CNTN5: variants seen among roughly 807,000 people sequenced by gnomAD.
CNTN5 encodes contactin 5, also known as contactin-5.
CNTN5 carries 77 observed loss-of-function variants against 129.1 expected under a neutral mutation model. The observed-to-expected ratio is 0.60, with a 90% confidence interval of 0.50 to 0.72. The LOEUF is 0.72. CNTN5 is among the 30% of genes least tolerant of loss of function. The pLI is 0.00. For synonymous variants in CNTN5, 509 were observed against 465.6 expected (o/e 1.09, Z -1.20); for missense variants, 1,478 against 1,328.8 (o/e 1.11, Z -1.75).
Position 100,039,083 on chromosome 11 carries a change from G to C in CNTN5, c.981-22129G>C, listed in dbSNP as rs534437965. On this transcript the variant is annotated intron_variant, in intron 9 of 24. Coordinates refer to ENST00000524871, the MANE Select transcript of CNTN5 (RefSeq NM_014361.4). ...TAGCCTTGATGGTCTTTACAACTTG[G>C]CATGTTTTTGCAGTGGCTGGTTCCG... Among the ~76,000 whole-genome samples, 53 of 152,252 alleles carry C rather than the reference G, an allele frequency of 3.5e-4. No individual in the cohort carries two copies. The South Asian group carries it at 0.011, about 32-fold the overall frequency.
At chr11:100,079,982 A>C (rs946930954) in intron 13 of CNTN5, among the ~76,000 whole-genome samples, 3 of 152,126 alleles carry the variant, frequency 2.0e-5, no homozygotes, top group Admixed American at 2.0e-4. Context: ...TTACATGTTC[A>C]ATTTCCTGTA....
intron 3 of CNTN5, among the ~76,000 whole-genome samples, chr11:99,784,325 G>A (rs936267639): frequency 1.9e-4 from 29 of 151,842 alleles, no homozygotes; most frequent in African/African-American, 7.0e-4. Flanking sequence ...ATAGGCCCAG[G>A]TGTGTGATGT....
intron 2 of CNTN5, among the ~76,000 whole-genome samples, chr11:99,339,050 A>C (rs1179565972): frequency 6.7e-6 from 1 of 148,922 alleles, no homozygotes; most frequent in African/African-American, 2.5e-5. Flanking sequence ...ATTAGTCCTT[A>C]TCCCTATAGA....
At chr11:99,202,108 T>G (rs1284409688) in intron 1 of CNTN5, among the ~76,000 whole-genome samples, 1 of 152,244 alleles carries the variant, frequency 6.6e-6, no homozygotes, top group African/African-American at 2.4e-5. Flanking sequence ...GATCAGTTCA[T>G]TTTTTAATTA....
intron 18 of CNTN5, among the ~76,000 whole-genome samples, chr11:100,272,386 A>C (rs1329034991): frequency 1.3e-5 from 2 of 152,216 alleles, no homozygotes; most frequent in African/African-American, 2.4e-5. Flanking sequence ...TGAACCAAAA[A>C]TATGACTTTT....
intron 1 of CNTN5, among the ~76,000 whole-genome samples, chr11:99,255,942 A>G (rs1253531339): frequency 2.4e-4 from 36 of 152,026 alleles, no homozygotes; most frequent in Admixed American, 2.4e-3. Flanking sequence ...AAGGAATTTA[A>G]TAGTGACACC....
intron 1 of CNTN5, among the ~76,000 whole-genome samples, chr11:99,061,924 C>A (rs530819868): frequency 6.6e-6 from 1 of 151,048 alleles, no homozygotes; most frequent in South Asian, 2.1e-4. Context: ...CCCAGGAGTT[C>A]GAGGTTACAG....
At chr11:99,570,779 T>C (rs767781622) in intron 3 of CNTN5, among the ~76,000 whole-genome samples, 2 of 152,070 alleles carry the variant, frequency 1.3e-5, no homozygotes, top group Non-Finnish European at 2.9e-5. Flanking sequence ...AATAAAATGA[T>C]AGTGAGTAAT....
At chr11:100,136,806 T>C (rs1049516147) in intron 13 of CNTN5, among the ~76,000 whole-genome samples, 1 of 150,084 alleles carries the variant, frequency 6.7e-6, no homozygotes, top group Non-Finnish European at 1.5e-5. Flanking sequence ...AAAAATAAAG[T>C]AACACAGAAG....
chr11:99,622,650 T>G (rs1365294598), intron 3 of CNTN5, among the ~76,000 whole-genome samples: 2 of 152,098 alleles, frequency 1.3e-5, no homozygotes, highest in Non-Finnish European at 2.9e-5. Context: ...GAGCTTTTAG[T>G]AGAATGCTAA....
At chr11:99,504,210 T>G (rs1012469402) in intron 2 of CNTN5, among the ~76,000 whole-genome samples, 11 of 152,184 alleles carry the variant, frequency 7.2e-5, no homozygotes, top group Non-Finnish European at 1.6e-4. Flanking sequence ...CTAGCACCCA[T>G]GGGTTTAGAC....
Position 99,197,522 on chromosome 11 carries a change from A to G in CNTN5, c.-209-127824A>G, listed in dbSNP as rs369950690. Among the ~76,000 whole-genome samples, 5 of 152,184 alleles carry G rather than the reference A, an allele frequency of 3.3e-5. No individual in the cohort carries two copies. The East Asian group carries it at 9.7e-4, about 29-fold the overall frequency. ...CTCAATAATACATGAAATAAAGCAA[A>G]TCAAAATCTGATCTATTTTCCCACT... On this transcript the variant is annotated intron_variant, in intron 1 of 24. Transcript: ENST00000524871.
intron 21 of CNTN5, among the ~76,000 whole-genome samples, chr11:100,310,343 A>T (rs1459705048): frequency 1.3e-5 from 2 of 151,820 alleles, no homozygotes; most frequent in Non-Finnish European, 2.9e-5. Context: ...AGCTTTTTTT[A>T]TACCTGCCCT....
At chr11:99,716,427 G>T (rs1318188186) in intron 3 of CNTN5, among the ~76,000 whole-genome samples, 1 of 151,872 alleles carries the variant, frequency 6.6e-6, no homozygotes, top group Non-Finnish European at 1.5e-5. Context: ...CTACTCCTCA[G>T]TATCCTGAAT....
chr11:99,648,611 C>T (rs754347534), intron 3 of CNTN5, among the ~76,000 whole-genome samples: 9 of 151,584 alleles, frequency 5.9e-5, no homozygotes, highest in African/African-American at 2.2e-4. Context: ...ATATTCTCAC[C>T]CTACGTTTAT....
intron 2 of CNTN5, among the ~76,000 whole-genome samples, chr11:99,373,120 A>G (rs1408266101): frequency 6.6e-6 from 1 of 152,076 alleles, no homozygotes; most frequent in African/African-American, 2.4e-5. Context: ...GAGGCAGGAG[A>G]ACTGCTTGAA....
intron 2 of CNTN5, among the ~76,000 whole-genome samples, chr11:99,380,990 C>T (rs1012591475): frequency 6.6e-6 from 1 of 151,854 alleles, no homozygotes; most frequent in Non-Finnish European, 1.5e-5. Flanking sequence ...AATCTGAGTC[C>T]CATTCCAGGC....
rs76362717 is a variant in CNTN5, at chr11:99,749,882, G to A, written c.56-69662G>A. Reference sequence around the variant, plus strand: ...AGCCACATAACTATGCTTTGGCCACGGGGATATGAATGCTACTACTAATTT... The same window carrying A: ...AGCCACATAACTATGCTTTGGCCACAGGGATATGAATGCTACTACTAATTT... On this transcript the variant is annotated intron_variant, in intron 3 of 24. Transcript: ENST00000524871. Among the ~76,000 whole-genome samples, 1,117 of 152,274 alleles carry A rather than the reference G, an allele frequency of 7.3e-3. 20 individuals carry two copies. The highest frequency in any genetic ancestry group is 0.025 in the African/African-American group (1,047 of 41,552).
intron 13 of CNTN5, among the ~76,000 whole-genome samples, chr11:100,153,958 T>C (rs1228082901): frequency 1.3e-5 from 2 of 152,220 alleles, no homozygotes; most frequent in East Asian, 3.9e-4. Context: ...GCTACTGAAC[T>C]AAGCAATACT....
Sources: gnomAD v4.1 joint callset for allele counts (sites outside exome capture counted in the v4.1 genomes callset) on GRCh38, gnomAD v4.1.1 for gene constraint, MANE v1.5 for transcripts, NCBI Gene and HGNC (gene_info 2026-07-23, HGNC 2026-07-21) for gene names.